Variants in LMF1 observed in about 807,000 individuals in gnomAD.
LMF1 encodes the protein lipase maturation factor 1.
LMF1 carries 68 observed loss-of-function variants against 60.6 expected under a neutral mutation model. That is an observed-to-expected ratio of 1.12 (90% CI 0.92 to 1.37). The LOEUF is 1.37. Ranked by LOEUF, LMF1 falls within the 40% of genes most tolerant of loss-of-function variation. LMF1 has a pLI of 0.00. For synonymous variants in LMF1, 418 were observed against 324.7 expected (o/e 1.29, Z -3.09); for missense variants, 948 against 767.2 (o/e 1.24, Z -2.78).
Position 897,741 on chromosome 16 carries a change from A to C in LMF1, c.664-4669T>G, listed in dbSNP as rs1477005586. On this transcript the variant is annotated intron_variant, in intron 4 of 10. Coordinates refer to ENST00000262301, the MANE Select transcript of LMF1 (RefSeq NM_022773.4). The surrounding 1 kb of genome is among the most constrained non-coding windows in gnomAD (Gnocchi z 4.3). ...CGTGGGCAGAGGCACTATGGGGTCT[A>C]TCAAGACCCTCTAGTCTCCATATCT... is the stretch of plus-strand genomic sequence containing the variant. Among the ~76,000 whole-genome samples, 1 of 152,156 alleles carries C rather than the reference A, an allele frequency of 6.6e-6. No homozygotes were observed. Among genetic ancestry groups the C allele is most frequent in the East Asian group, 1.9e-4 (1 of 5,188 alleles).
intron 4 of LMF1, among the ~76,000 whole-genome samples, chr16:894,597 G>T (rs897070168): frequency 1.3e-5 from 2 of 152,212 alleles, no homozygotes; most frequent in East Asian, 1.9e-4. Context: ...ACCAGTCGTG[G>T]CAGACGCAGT....
At chr16:979,635 T>C (rs373163374) in intron 1 of LMF1, 5 of 453,916 alleles carry the variant, frequency 1.1e-5, no homozygotes, top group Non-Finnish European at 2.2e-5. Flanking sequence ...CCTTGGTGGA[T>C]GGGGAGCCAG....
rs2070524820 is a variant in LMF1, at chr16:892,684, G to T, written c.729+323C>A. Among the ~76,000 whole-genome samples the T allele has an allele frequency of 2.6e-5, 4 of 152,356 alleles. No individual in the cohort carries two copies. The South Asian group carries it at 8.3e-4, about 32-fold the overall frequency. ...ACAGGCACCTGTCAGGGGACGGTGG[G>T]GAGCTGTGGACTCCAGGAAGGAGGG... On this transcript the variant is annotated intron_variant, in intron 5 of 10. Transcript: ENST00000262301.
chr16:855,432 G>A (rs1353134596), intron 10 of LMF1: 2 of 353,014 alleles, frequency 5.7e-6, no homozygotes, highest in African/African-American at 2.1e-5. Context: ...AGGCCATACT[G>A]GGTCTTGGTC....
intron 2 of LMF1, among the ~76,000 whole-genome samples, chr16:946,095 A>G (rs1474328574): frequency 2.0e-5 from 3 of 152,252 alleles, no homozygotes; most frequent in African/African-American, 7.2e-5. Flanking sequence ...GAGTTCACCA[A>G]GAAGTCAATG....
At chr16:963,247 C>A (rs1007960568) in intron 1 of LMF1, among the ~76,000 whole-genome samples, 2 of 152,080 alleles carry the variant, frequency 1.3e-5, no homozygotes, top group Non-Finnish European at 2.9e-5. Context: ...GGGACCTGAG[C>A]TGTGAGCGCT....
intron 5 of LMF1, among the ~76,000 whole-genome samples, chr16:890,055 G>GC (rs2070434334): frequency 6.6e-6 from 1 of 151,978 alleles, no homozygotes; most frequent in Admixed American, 6.5e-5. Context: ...CCCACACACT[G>GC]CCCCCTGTAC....
intron 1 of LMF1, among the ~76,000 whole-genome samples, chr16:978,238 C>T (rs376289471): frequency 0.011 from 1,680 of 149,664 alleles, 19 homozygotes; most frequent in South Asian, 0.088. Flanking sequence ...ACCATACACA[C>T]CATACGCACT....
chr16:927,408 C>G (rs565846741), intron 3 of LMF1, among the ~76,000 whole-genome samples: 2 of 152,358 alleles, frequency 1.3e-5, no homozygotes, highest in East Asian at 3.9e-4. Context: ...GCTTCTCCCC[C>G]AGGGAGGGGC....
chr16:972,076 C>G (rs971350236), upstream of LMF1, among the ~76,000 whole-genome samples: 1 of 152,172 alleles, frequency 6.6e-6, no homozygotes, highest in African/African-American at 2.4e-5. Flanking sequence ...ATATCTTCAC[C>G]ACCTGCAGTG....
chr16:928,487 C>A (rs1157075535), intron 3 of LMF1, among the ~76,000 whole-genome samples: 1 of 152,200 alleles, frequency 6.6e-6, no homozygotes, highest in Non-Finnish European at 1.5e-5. Context: ...ACAGAACCCA[C>A]TTCCTACAAA....
At chr16:922,646 A>C (rs7498159) in intron 3 of LMF1, among the ~76,000 whole-genome samples, 36,662 of 126,628 alleles carry the variant, frequency 0.29, 7,209 homozygotes, top group African/African-American at 0.53. Context: ...GCCCTGTGTG[A>C]AAGTCGCCTG....
intron 3 of LMF1, chr16:921,105 G>A (rs2071419055): frequency 6.6e-6 from 1 of 152,306 alleles, no homozygotes; most frequent in South Asian, 2.1e-4. Context: ...CCCCATCACA[G>A]ACTGCGCTTA....
intron 2 of LMF1, chr16:947,346 A>T (rs2072261956): frequency 1.3e-5 from 5 of 397,208 alleles, no homozygotes; most frequent in South Asian, 7.4e-5. Context: ...AGTTGGGGCT[A>T]CGCAGAGGCA....
chr16:943,932 T>A (rs868134938), intron 2 of LMF1, among the ~76,000 whole-genome samples: 1 of 152,180 alleles, frequency 6.6e-6, no homozygotes, highest in Admixed American at 6.5e-5. Flanking sequence ...GTTGACATTA[T>A]GAAAGATCAT....
intron 1 of LMF1, chr16:979,104 A>T: frequency 2.2e-6 from 1 of 453,850 alleles, no homozygotes; most frequent in South Asian, 1.6e-5. Context: ...CCTGTGTGGG[A>T]AAGTGCCTGG....
chr16:858,699 C>T (rs866171545), intron 10 of LMF1, among the ~76,000 whole-genome samples: 7 of 34,068 alleles, frequency 2.1e-4, no homozygotes, highest in East Asian at 9.5e-4. Flanking sequence ...TGTCACGGGA[C>T]GGGTGTGAGT....
chr16:977,084 A>G (rs1221390218), intron 1 of LMF1: 1 of 454,152 alleles, frequency 2.2e-6, no homozygotes, highest in Admixed American at 2.3e-5. Context: ...AGGCCCAGAA[A>G]GCACTGCTCC....
intron 2 of LMF1, among the ~76,000 whole-genome samples, chr16:950,743 G>A (rs1159184918): frequency 1.8e-5 from 2 of 114,238 alleles, no homozygotes; most frequent in African/African-American, 4.4e-5. Flanking sequence ...AGTCAGAGAC[G>A]ACAGAGTCAG....
Sources: gnomAD v4.1 joint callset for allele counts (sites outside exome capture counted in the v4.1 genomes callset) on GRCh38, gnomAD v4.1.1 for gene constraint, Gnocchi (gnomAD v3.1) non-coding constraint, MANE v1.5 for transcripts, NCBI Gene and HGNC (gene_info 2026-07-23, HGNC 2026-07-21) for gene names.